CMTR1: variants seen among roughly 807,000 people sequenced by gnomAD.
CMTR1 encodes cap methyltransferase 1, also known as cap-specific mRNA (nucleoside-2'-O-)-methyltransferase 1.
CMTR1 carries 39 observed loss-of-function variants against 107.0 expected under a neutral mutation model. The observed-to-expected ratio is 0.36, with a 90% CI of 0.28 to 0.48. The LOEUF (loss-of-function observed/expected upper bound fraction) is 0.48, where lower values mean the gene tolerates loss of function less well. CMTR1 is among the 20% of genes least tolerant of loss of function. The pLI, the probability that CMTR1 is intolerant of heterozygous loss-of-function variation, is 0.99. For missense variants in CMTR1, 672 were observed against 1,064.9 expected, an observed-to-expected ratio of 0.63 and a Z score of 5.14; for synonymous variants, 366 against 379.5, an observed-to-expected ratio of 0.96 and a Z score of 0.41.
At chr6:37,466,770 G>C (rs925223930) in intron 13 of CMTR1, among the ~76,000 whole-genome samples, 7 of 152,046 alleles carry the variant, frequency 4.6e-5, no homozygotes, top group African/African-American at 1.7e-4. Context: ...GATTATTTTG[G>C]CTATTTGGTG....
intron 21 of CMTR1, 89 bp downstream of exon 21, chr6:37,477,728 TCGGGGG>T: frequency 9.8e-6 from 2 of 203,058 alleles, no homozygotes; most frequent in South Asian, 7.4e-5. Context: ...ATAAGATGGG[TCGGGGG>T]CGGGGGGTGG....
At chr6:37,428,013 A>T in the CMTR1 span, among the ~76,000 whole-genome samples, 1 of 52,174 alleles carries the variant, frequency 1.9e-5, no homozygotes, top group Non-Finnish European at 3.7e-5. Context: ...AGAGACAGAG[A>T]GAGAGAGAGA....
intron 13 of CMTR1, among the ~76,000 whole-genome samples, chr6:37,464,114 C>T (rs1215981049): frequency 2.0e-5 from 3 of 152,152 alleles, no homozygotes; most frequent in South Asian, 2.1e-4. Flanking sequence ...AAATGCAAAT[C>T]TTAAGTGTAT....
chr6:37,477,773 C>A, intron 21 of CMTR1, 134 bp downstream of exon 21: 2 of 736,260 alleles, frequency 2.7e-6, no homozygotes, highest in Admixed American at 1.8e-5. Context: ...CCCCTCACCT[C>A]ATCTGCCTCG....
At chr6:37,437,363 A>G (rs1353167299) in intron 2 of CMTR1, among the ~76,000 whole-genome samples, 2 of 151,734 alleles carry the variant, frequency 1.3e-5, no homozygotes, top group Non-Finnish European at 2.9e-5. Flanking sequence ...CATCTCTACT[A>G]AAAAACAGAA....
At position 37,481,065 on chromosome 6, in the gene CMTR1, G is replaced by C. The variant is rs1474181926; in HGVS notation, c.*920G>C. On this transcript the variant is annotated 3_prime_UTR_variant, in exon 24 of 24. Coordinates refer to ENST00000373451, the MANE Select transcript of CMTR1 (RefSeq NM_015050.3). ...CGCTCTAGGGTCTTGGCAGAATTCT[G>C]AGCTTGAAGTGCAGCTCCCTTACTA... The C allele has an allele frequency of 7.7e-7, 1 of 1,304,162 alleles. No individual in the cohort carries two copies. Among genetic ancestry groups the C allele is most frequent in the African/African-American group, 1.5e-5 (1 of 65,848 alleles). 80.8% of individuals were successfully genotyped at this position (1,304,162 alleles called of 1,614,324 possible). A position where few individuals can be genotyped will look rare whatever the true frequency, so the allele number is the denominator to read the frequency against.
chr6:37,428,600 G>A (rs1440998132), upstream of CMTR1, among the ~76,000 whole-genome samples: 3 of 152,168 alleles, frequency 2.0e-5, no homozygotes, highest in Admixed American at 1.3e-4. Flanking sequence ...TGGGATTACA[G>A]ATGTGTGCCA....
chr6:37,472,290 C>T lies in CMTR1; in HGVS notation c.1621-129C>T. 1.2e-6 allele frequency: 1 copy of T among 806,750 alleles called. No individual in the cohort carries two copies. The highest frequency in any genetic ancestry group is 2.1e-6 in the Non-Finnish European group (1 of 468,148). 50.0% of individuals were successfully genotyped at this position (806,750 alleles called of 1,614,324 possible). A position where few individuals can be genotyped will look rare whatever the true frequency, so the allele number is the denominator to read the frequency against. On this transcript the variant is annotated intron_variant, in intron 15 of 23. Transcript: ENST00000373451. This position sits in a 1 kb window ranked among gnomAD's most constrained non-coding sequence, Gnocchi z 4.1. The stretch of plus-strand genomic sequence containing the variant: ...ATTATCCACCTCCATCCCTGTCAGC[C>T]TAGCCTCCTTTGTTGTGTGCCATTC...
At chr6:37,478,559 T>C in intron 22 of CMTR1, 38 bp downstream of exon 22, 4 of 1,518,606 alleles carry the variant, frequency 2.6e-6, no homozygotes, top group Non-Finnish European at 3.7e-6. Context: ...TCCCCTCCCC[T>C]CTCCCCTCTC....
In CMTR1 at chr6:37,444,005, C is replaced by T. The variant is rs199613780; in HGVS notation, c.140C>T (p.Thr47Ile). 55 of 1,613,498 alleles carry T rather than the reference C, an allele frequency of 3.4e-5. No homozygotes were observed. The highest frequency in any genetic ancestry group is 4.5e-5 in the Non-Finnish European group (53 of 1,179,912). Residue 47 changes from threonine (T) to isoleucine (I), a missense_variant, in exon 3 of 24, where the codon ACT becomes ATT. Physicochemically the swap from Thr to Ile is moderately conservative, Grantham distance 89 (BLOSUM62 -1). Around this residue, in one of 2 missense-constraint regions of CMTR1, gnomAD observed 89 missense variants for 96.6 expected, o/e 0.92. Coordinates refer to ENST00000373451, the MANE Select transcript of CMTR1 (RefSeq NM_015050.3). ...SSVSHGAKAS[T>I]TSLSGSDSET... The stretch of plus-strand genomic sequence containing the variant: ...TTTCCTTTTTCTTTTTCAGCATCTA[C>T]TACAAGCCTTAGTGGGTCTGATAGT...
At chr6:37,436,496 T>G (rs1771534236) in intron 2 of CMTR1, 1 of 152,284 alleles carries the variant, frequency 6.6e-6, no homozygotes, top group African/African-American at 2.4e-5. Flanking sequence ...CTCACAGCTC[T>G]GGAGGCTAGT....
chr6:37,480,089 C>T lies in CMTR1; in HGVS notation c.2452C>T (p.Gln818Ter). Residue 818 changes from glutamine to a stop codon, truncating the protein, a stop_gained, in exon 24 of 24, where the codon CAG becomes TAG. Transcript: ENST00000373451. LOFTEE classifies it high-confidence loss of function. ...GCATGACTCCCAGAAGCCCCAGGAC[C>T]AGGACAAGCTGTCCAAGGAGGACGT... ...RVHDSQKPQD[Q>*]DKLSKEDVLS... is the part of the protein sequence containing the mutation. The T allele has an allele frequency of 6.3e-7, 1 of 1,592,802 alleles. No homozygotes were observed. Among genetic ancestry groups the T allele is most frequent in the Non-Finnish European group, 8.5e-7 (1 of 1,171,808 alleles).
Position 37,480,989 on chromosome 6 carries a change from G to C in CMTR1, c.*844G>C. 7.7e-7 allele frequency: 1 copy of C among 1,297,504 alleles called. No individual in the cohort carries two copies. Among genetic ancestry groups the C allele is most frequent in the Non-Finnish European group, 1.0e-6 (1 of 986,468 alleles). 80.4% of individuals were successfully genotyped at this position (1,297,504 alleles called of 1,614,324 possible). ...AGCAGTAACAAAGGGTACCTCCAGG[G>C]GTTTGGGTAGCGCTGCCCTCTGGCA... On this transcript the variant is annotated 3_prime_UTR_variant, in exon 24 of 24. Coordinates refer to ENST00000373451, the MANE Select transcript of CMTR1 (RefSeq NM_015050.3).
chr6:37,438,451 C>G (rs6925634), intron 2 of CMTR1, among the ~76,000 whole-genome samples: 6,358 of 152,164 alleles, frequency 0.042, 417 homozygotes, highest in African/African-American at 0.14. Flanking sequence ...GAGGCCACTT[C>G]GTCCTTTCAT....
chr6:37,479,787 A>C (rs1761818197), intron 23 of CMTR1, among the ~76,000 whole-genome samples: 2 of 152,254 alleles, frequency 1.3e-5, no homozygotes, highest in South Asian at 4.1e-4. Flanking sequence ...AATATCAGTC[A>C]CTGTAGGAAT....
upstream of CMTR1, among the ~76,000 whole-genome samples, chr6:37,433,034 AAGG>A (rs1450170892): frequency 2.0e-5 from 3 of 152,250 alleles, no homozygotes; most frequent in Non-Finnish European, 1.5e-5. Context: ...CTCAGAGCCA[AAGG>A]AGGAGATAGT....
intron 20 of CMTR1, among the ~76,000 whole-genome samples, 190 bp from the exon 21 acceptor site, chr6:37,477,402 C>G (rs1475637167): frequency 6.6e-6 from 1 of 152,188 alleles, no homozygotes; most frequent in African/African-American, 2.4e-5. Flanking sequence ...AGCTCTGAAA[C>G]CCAGGGCTTG....
At chr6:37,450,227 T>C (rs767665342) in intron 4 of CMTR1, 24 bp from the exon 5 acceptor site, 90 of 1,599,354 alleles carry the variant, frequency 5.6e-5, no homozygotes, top group Non-Finnish European at 6.9e-5. Context: ...ATATCTGTCT[T>C]ACTAGCCTCT....
chr6:37,435,853 G>A, intron 2 of CMTR1, 91 bp downstream of exon 2: 1 of 1,366,380 alleles, frequency 7.3e-7, no homozygotes, highest in Admixed American at 2.9e-5. Context: ...ATAGTCCACT[G>A]CCCCTTGGTC....
Sources: gnomAD v4.1 joint callset for allele counts (sites outside exome capture counted in the v4.1 genomes callset) on GRCh38, gnomAD v4.1.1 for gene constraint, gnomAD v4.1.1 regional missense constraint, Gnocchi (gnomAD v3.1) non-coding constraint, MANE v1.5 for transcripts, NCBI Gene and HGNC (gene_info 2026-07-23, HGNC 2026-07-21) for gene names.